CPEB2: variants seen among roughly 807,000 people sequenced by gnomAD.
CPEB2 encodes cytoplasmic polyadenylation element binding protein 2, also known as cytoplasmic polyadenylation element-binding protein 2.
A neutral mutation model predicts 93.6 loss-of-function variants in CPEB2; 56 were observed. The observed-to-expected ratio is 0.60, with a 90% CI of 0.48 to 0.75. CPEB2 has a LOEUF of 0.75. Ranked by LOEUF, CPEB2 falls within the 30% of genes least tolerant of loss-of-function variation. CPEB2 has a pLI of 0.00. For synonymous variants in CPEB2, 764 were observed against 586.3 expected, an observed-to-expected ratio of 1.30 and a Z score of -4.38; for missense variants, 1,579 against 1,395.1, an observed-to-expected ratio of 1.13 and a Z score of -2.10.
At chr4:15,045,130 T>C (rs1727535020) in intron 6 of CPEB2, among the ~76,000 whole-genome samples, 1 of 152,208 alleles carries the variant, frequency 6.6e-6, no homozygotes, top group Non-Finnish European at 1.5e-5. Flanking sequence ...GAAGGCTTTT[T>C]CCCTCTACTT....
At chr4:15,066,090 G>T (rs1577480710) in intron 11 of CPEB2, 63 bp from the exon 12 acceptor site, 1 of 1,384,228 alleles carries the variant, frequency 7.2e-7, no homozygotes, top group East Asian at 2.3e-5. Flanking sequence ...AACATTTTAA[G>T]TTATTACAGA....
intron 6 of CPEB2, among the ~76,000 whole-genome samples, chr4:15,049,617 G>T (rs1278279618): frequency 6.6e-6 from 1 of 152,062 alleles, no homozygotes; most frequent in Non-Finnish European, 1.5e-5. Flanking sequence ...GTTTCATGTT[G>T]AAGAGTTTCC....
At chr4:15,048,842 AT>A (rs1727961093) in intron 6 of CPEB2, among the ~76,000 whole-genome samples, 1 of 152,100 alleles carries the variant, frequency 6.6e-6, no homozygotes, top group Non-Finnish European at 1.5e-5. Context: ...TGTTTAAAGT[AT>A]ACTACAGTGG....
chr4:15,018,923 G>T (rs1230350601), intron 4 of CPEB2, among the ~76,000 whole-genome samples: 1 of 130,712 alleles, frequency 7.7e-6, no homozygotes, highest in Non-Finnish European at 1.6e-5. Flanking sequence ...GCATTATAAG[G>T]CTAAGGGGAA....
At position 15,002,720 on chromosome 4, in the gene CPEB2, G is replaced by A. The variant is rs902483527; in HGVS notation, c.47G>A (p.Ser16Asn). 5.7e-5 allele frequency: 87 copies of A among 1,528,802 alleles called. No individual in the cohort carries two copies. Among genetic ancestry groups the A allele is most frequent in the Non-Finnish European group, 7.3e-5 (83 of 1,143,814 alleles). The allele number at this position is 1,528,802 out of a possible 1,614,324, so 94.7% of individuals were successfully genotyped here. A position where few individuals can be genotyped will look rare whatever the true frequency, so the allele number is the denominator to read the frequency against. Residue 16 changes from serine to asparagine, a missense_variant, in exon 1 of 12, where the codon AGT (serine) becomes AAT (asparagine). By Grantham distance (46) the Ser-to-Asn change is conservative. Around this residue, in one of 2 missense-constraint regions of CPEB2, gnomAD observed 1,411 missense variants for 1,056.0 expected, o/e 1.34. Coordinates refer to ENST00000538197, the MANE Select transcript of CPEB2 (RefSeq NM_001177382.2). Reference sequence around the variant, plus strand: ...GTGCTGCAGACCGCCCCGCTCCGAAGTAGCAGTCCTGGGCCCCTGTTCTGC... The same window carrying A: ...GTGCTGCAGACCGCCCCGCTCCGAAATAGCAGTCCTGGGCCCCTGTTCTGC... ...FGVLQTAPLR[S>N]SSPGPLFCGE...
At chr4:15,030,927 A>G (rs1726025058) in intron 4 of CPEB2, among the ~76,000 whole-genome samples, 1 of 152,160 alleles carries the variant, frequency 6.6e-6, no homozygotes, top group Non-Finnish European at 1.5e-5. Context: ...ACAGGAACCT[A>G]TTAGAGTAAT....
intron 6 of CPEB2, among the ~76,000 whole-genome samples, chr4:15,050,414 A>G (rs1431427429): frequency 6.6e-6 from 1 of 152,200 alleles, no homozygotes; most frequent in East Asian, 1.9e-4. Context: ...GCTATAGATT[A>G]TATGCATTGT....
intron 1 of CPEB2, chr4:15,006,637 A>G (rs759383445): frequency 1.2e-4 from 19 of 152,210 alleles, no homozygotes; most frequent in Non-Finnish European, 2.5e-4. Flanking sequence ...TATGGGCAAC[A>G]TCAGATAATT....
intron 4 of CPEB2, 36 bp downstream of exon 4, chr4:15,017,314 A>G (rs189490499): frequency 5.5e-6 from 6 of 1,092,382 alleles, no homozygotes; most frequent in South Asian, 1.4e-5. Flanking sequence ...TGTTTATATT[A>G]TACACCAATT....
At chr4:15,064,850 T>G (rs764337793) in intron 11 of CPEB2, among the ~76,000 whole-genome samples, 2 of 152,148 alleles carry the variant, frequency 1.3e-5, no homozygotes, top group African/African-American at 2.4e-5. Flanking sequence ...AAATTAAGCA[T>G]AACAATTTTA....
At chr4:15,030,522 T>C (rs573652914) in intron 4 of CPEB2, among the ~76,000 whole-genome samples, 59 of 152,262 alleles carry the variant, frequency 3.9e-4, no homozygotes, top group African/African-American at 1.3e-3. Flanking sequence ...TAGCCTCAAA[T>C]GCTGTTAGTT....
Position 15,003,798 on chromosome 4 carries a change from G to A in CPEB2, c.1125G>A (p.Pro375=), listed in dbSNP as rs1293672027. ...GAGGCGGCTCCGCGTCGCCGCCGCC[G>A]CTGCCCGGCTTCGGCACCCCCTGGT... ...GGGGGSASPP[P]LPGFGTPWSV... is the part of the protein sequence containing the mutation. Residue 375 remains proline, a synonymous_variant, in exon 1 of 12, where the codon CCG becomes CCA. Transcript: ENST00000538197. The A allele has an allele frequency of 4.0e-6, 4 of 1,011,528 alleles. No individual in the cohort carries two copies. Among genetic ancestry groups the A allele is most frequent in the Non-Finnish European group, 3.7e-6 (3 of 801,220 alleles). 62.7% of individuals were successfully genotyped at this position (1,011,528 alleles called of 1,614,324 possible). A position where few individuals can be genotyped will look rare whatever the true frequency, so the allele number is the denominator to read the frequency against.
intron 5 of CPEB2, 32 bp downstream of exon 5, chr4:15,033,243 G>A (rs751774760): frequency 1.5e-6 from 2 of 1,334,822 alleles, no homozygotes; most frequent in Non-Finnish European, 2.2e-6. Flanking sequence ...TATGTTTCCA[G>A]TTGATTTATG....
chr4:15,055,631 A>G (rs1445208238), intron 8 of CPEB2, among the ~76,000 whole-genome samples: 2 of 152,166 alleles, frequency 1.3e-5, no homozygotes, highest in Non-Finnish European at 2.9e-5. Flanking sequence ...GCAGTCTTTG[A>G]AAACTCATTG....
chr4:15,022,149 C>A (rs1724880755), intron 4 of CPEB2, among the ~76,000 whole-genome samples: 2 of 152,192 alleles, frequency 1.3e-5, no homozygotes, highest in South Asian at 4.1e-4. Context: ...TCAGGGCCCA[C>A]CCTAGAAGTG....
At chr4:15,027,353 T>C (rs748266992) in intron 4 of CPEB2, among the ~76,000 whole-genome samples, 1 of 152,210 alleles carries the variant, frequency 6.6e-6, no homozygotes, top group Non-Finnish European at 1.5e-5. Context: ...TTTTATTAGA[T>C]GTAGGTAAGG....
At chr4:15,029,322 G>A (rs1331226020) in intron 4 of CPEB2, among the ~76,000 whole-genome samples, 1 of 151,882 alleles carries the variant, frequency 6.6e-6, no homozygotes, top group Non-Finnish European at 1.5e-5. Flanking sequence ...GACACAGAGG[G>A]CCGACTGTAT....
At chr4:15,031,959 A>G (rs563276243) in intron 4 of CPEB2, among the ~76,000 whole-genome samples, 1 of 152,294 alleles carries the variant, frequency 6.6e-6, no homozygotes, top group Non-Finnish European at 1.5e-5. Context: ...CTGAGGTGGT[A>G]AAGGTAGATG....
chr4:15,038,023 T>C (rs956074846), intron 5 of CPEB2, among the ~76,000 whole-genome samples: 2 of 152,214 alleles, frequency 1.3e-5, no homozygotes, highest in African/African-American at 4.8e-5. Context: ...GCAGATTAGT[T>C]ATTTCCATAA....
Sources: gnomAD v4.1 joint callset for allele counts (sites outside exome capture counted in the v4.1 genomes callset) on GRCh38, gnomAD v4.1.1 for gene constraint, gnomAD v4.1.1 regional missense constraint, MANE v1.5 for transcripts, NCBI Gene and HGNC (gene_info 2026-07-23, HGNC 2026-07-21) for gene names.